SLC30A9: variants seen among roughly 807,000 people sequenced by gnomAD.
The protein encoded by SLC30A9 is proton-coupled zinc antiporter SLC30A9, mitochondrial.
In SLC30A9, 58 loss-of-function variants were observed where a neutral mutation model predicts 87.5. The ratio of observed to expected loss-of-function variants is 0.66; its 90% CI spans 0.54 to 0.82. The LOEUF (loss-of-function observed/expected upper bound fraction) is 0.82, where lower values mean the gene tolerates loss of function less well. Ranked by LOEUF, SLC30A9 falls within the 40% of genes least tolerant of loss-of-function variation. The probability of loss-of-function intolerance (pLI) is 0.00; values close to 1 mark genes in which losing one functional copy is unlikely to be tolerated. For synonymous variants in SLC30A9, 234 were observed against 233.0 expected, an observed-to-expected ratio of 1.00 and a Z score of -0.04; for missense variants, 557 against 679.1, an observed-to-expected ratio of 0.82 and a Z score of 2.00.
At chr4:42,003,969 A>ATTCTATGTGCTATTTGTTGGCTAATATT (rs1381604110) in intron 2 of SLC30A9, among the ~76,000 whole-genome samples, 2 of 152,010 alleles carry the variant, frequency 1.3e-5, no homozygotes, top group African/African-American at 4.8e-5. Flanking sequence ...TTTTCTGTCT[A>ATTCTATGTGCTATTTGTTGGCTAATATT]TTCTGCTCTT....
intron 8 of SLC30A9, among the ~76,000 whole-genome samples, chr4:42,039,950 A>G (rs1716852408): frequency 1.3e-5 from 2 of 152,222 alleles, no homozygotes; most frequent in East Asian, 1.9e-4. Flanking sequence ...GATATAATAC[A>G]TAATTCTTTA....
At chr4:42,078,504 C>G in intron 17 of SLC30A9, 179 bp downstream of exon 17, 2 of 400,898 alleles carry the variant, frequency 5.0e-6, no homozygotes, top group Admixed American at 4.7e-5. Context: ...AATAATTTAC[C>G]CAAGGAAATA....
chr4:42,089,432 G>GTTTTTTTTGT lies in SLC30A9; in HGVS notation c.*3314_*3315insGTTTTTTTTT, dbSNP rs1560565844. The GTTTTTTTTGT allele has an allele frequency of 6.7e-6, 1 of 150,234 alleles. No individual in the cohort carries two copies. Among genetic ancestry groups the GTTTTTTTTGT allele is most frequent in the African/African-American group, 2.5e-5 (1 of 40,812 alleles). 9.3% of individuals were successfully genotyped at this position (150,234 alleles called of 1,614,324 possible). A position where few individuals can be genotyped will look rare whatever the true frequency, so the allele number is the denominator to read the frequency against. On this transcript the variant is annotated 3_prime_UTR_variant, in exon 18 of 18. Coordinates refer to ENST00000264451, the MANE Select transcript of SLC30A9 (RefSeq NM_006345.4). ...GGGGTGGAGTGTTTTTGTTTTTTTT[G>GTTTTTTTTGT]TTTTTTTTTGAGACAGAGTTTCGTT...
intron 6 of SLC30A9, chr4:42,030,185 G>A (rs1010074463): frequency 3.5e-6 from 2 of 575,178 alleles, no homozygotes; most frequent in Non-Finnish European, 5.2e-6. Flanking sequence ...ACAAAAGCCT[G>A]TTAGTCTTGA....
intron 15 of SLC30A9, 72 bp downstream of exon 15, chr4:42,070,763 A>T (rs1244907761): frequency 7.7e-7 from 1 of 1,299,338 alleles, no homozygotes; most frequent in East Asian, 2.4e-5. Flanking sequence ...CTGGTTTGTA[A>T]ATACTTCCAG....
chr4:42,050,650 C>T (rs1194026548), intron 9 of SLC30A9, among the ~76,000 whole-genome samples: 1 of 152,146 alleles, frequency 6.6e-6, no homozygotes, highest in Non-Finnish European at 1.5e-5. Flanking sequence ...ATACTATGTT[C>T]AGAACTTCTG....
In SLC30A9 at chr4:42,070,616, C is replaced by G. The variant is rs1482446659; in HGVS notation, c.1343C>G (p.Ala448Gly). 1 of 1,614,056 alleles carries G rather than the reference C, an allele frequency of 6.2e-7. No individual in the cohort carries two copies. Among genetic ancestry groups the G allele is most frequent in the South Asian group, 1.1e-5 (1 of 91,080 alleles). The change falls in exon 15 of 18, where the codon GCA becomes GGA. Residue 448 changes from alanine (A) to glycine (G), a missense_variant. Coordinates refer to ENST00000264451, the MANE Select transcript of SLC30A9 (RefSeq NM_006345.4). ...SAFLIYTNTE[A>G]LLGRSIQPEQ... ...TTCCTCATCTACACTAACACAGAAG[C>G]ACTCTTAGGGCGGTCCATCCAGCCA... is the stretch of plus-strand genomic sequence containing the variant.
At chr4:42,079,379 C>T (rs935062577) in intron 17 of SLC30A9, among the ~76,000 whole-genome samples, 5 of 151,548 alleles carry the variant, frequency 3.3e-5, no homozygotes, top group South Asian at 2.1e-4. Context: ...CTGTAACCTC[C>T]GTCTCCTGGG....
intron 2 of SLC30A9, among the ~76,000 whole-genome samples, chr4:42,002,098 T>C (rs1222486963): frequency 6.6e-6 from 1 of 152,102 alleles, no homozygotes; most frequent in African/African-American, 2.4e-5. Context: ...ATATTTGTCT[T>C]ATTTTCTTGG....
rs116224934 is a variant in SLC30A9 at position 42,004,383 on chromosome 4, A to G, written c.274+2603A>G. 4.0e-3 allele frequency among the ~76,000 whole-genome samples: 604 copies of G among 152,260 alleles called. 1 individual carries two copies. The highest frequency in any genetic ancestry group is 6.9e-3 in the Non-Finnish European group (468 of 68,014). ...TTTTCTACAGTTCTGGAATTCTACA[A>G]TTCTCTTATTATCCCTTCATATATT... On this transcript the variant is annotated intron_variant, in intron 2 of 17. Transcript: ENST00000264451.
chr4:42,047,110 C>G (rs569948811), intron 8 of SLC30A9, among the ~76,000 whole-genome samples: 2 of 152,200 alleles, frequency 1.3e-5, no homozygotes, highest in South Asian at 4.2e-4. Context: ...AACGTAAGAC[C>G]TAAAACCATA....
chr4:42,018,329 C>A, intron 3 of SLC30A9, 159 bp downstream of exon 3: 2 of 847,798 alleles, frequency 2.4e-6, no homozygotes, highest in East Asian at 3.3e-5. Context: ...TATTCTCTTA[C>A]ATATAAACTA....
chr4:42,004,503 G>A (rs1021056597), intron 2 of SLC30A9, among the ~76,000 whole-genome samples: 3 of 151,616 alleles, frequency 2.0e-5, no homozygotes, highest in Non-Finnish European at 1.5e-5. Flanking sequence ...CCTCTCTATC[G>A]TATTTTCTAT....
At chr4:41,996,715 C>G (rs1714727171) in intron 1 of SLC30A9, among the ~76,000 whole-genome samples, 1 of 152,034 alleles carries the variant, frequency 6.6e-6, no homozygotes, top group South Asian at 2.1e-4. Context: ...CTGCCCCAGC[C>G]TGGGTGACAG....
At chr4:42,030,334 G>A (rs1225904577) in intron 6 of SLC30A9, among the ~76,000 whole-genome samples, 1 of 152,062 alleles carries the variant, frequency 6.6e-6, no homozygotes, top group Non-Finnish European at 1.5e-5. Context: ...TACTGTAAAT[G>A]ACAAAAGAAA....
intron 6 of SLC30A9, among the ~76,000 whole-genome samples, chr4:42,028,986 C>T (rs559803662): frequency 6.6e-6 from 1 of 152,338 alleles, no homozygotes; most frequent in South Asian, 2.1e-4. Context: ...GAAGTCATTT[C>T]AACAGTAGAT....
intron 14 of SLC30A9, among the ~76,000 whole-genome samples, chr4:42,069,639 G>T (rs1463865736): frequency 3.3e-5 from 5 of 151,984 alleles, no homozygotes; most frequent in African/African-American, 1.2e-4. Flanking sequence ...TTCATCTTTG[G>T]GATAAAAAGA....
Position 42,088,846 on chromosome 4 carries a change from G to A in SLC30A9, c.*2720G>A, listed in dbSNP as rs987328301. Reference sequence around the variant, plus strand: ...TAGTCACAGCTACTTGGGAGGCCGAGGTGGGAGGATCACTTGAGCCCCAGA... The same window carrying A: ...TAGTCACAGCTACTTGGGAGGCCGAAGTGGGAGGATCACTTGAGCCCCAGA... On this transcript the variant is annotated 3_prime_UTR_variant, in exon 18 of 18. Transcript: ENST00000264451. 8 of 152,274 alleles carry A rather than the reference G, an allele frequency of 5.3e-5. No individual in the cohort carries two copies. The highest frequency in any genetic ancestry group is 1.9e-4 in the African/African-American group (8 of 41,448). The allele number at this position is 152,274 out of a possible 1,614,324, so 9.4% of individuals were successfully genotyped here.
chr4:42,020,704 C>T (rs932025532), intron 4 of SLC30A9, 189 bp downstream of exon 4: 2 of 452,064 alleles, frequency 4.4e-6, no homozygotes. Flanking sequence ...AATCCTGCCC[C>T]AGCATTAGCA....
Sources: gnomAD v4.1 joint callset for allele counts (sites outside exome capture counted in the v4.1 genomes callset) on GRCh38, gnomAD v4.1.1 for gene constraint, MANE v1.5 for transcripts, NCBI Gene and HGNC (gene_info 2026-07-23, HGNC 2026-07-21) for gene names.